GRM5: variants seen among roughly 807,000 people sequenced by gnomAD.
GRM5 encodes metabotropic glutamate receptor 5.
In GRM5, 19 loss-of-function variants were observed where a neutral mutation model predicts 83.1. The ratio of observed to expected loss-of-function variants is 0.23; its 90% CI spans 0.16 to 0.34. GRM5 has a LOEUF of 0.34. GRM5 is among the 10% of genes least tolerant of loss of function. The pLI is 1.00. For missense variants in GRM5, 1,160 were observed against 1,588.3 expected, an observed-to-expected ratio of 0.73 and a Z score of 4.58; for synonymous variants, 675 against 633.6, an observed-to-expected ratio of 1.07 and a Z score of -0.98.
chr11:88,626,702 T>A (rs1938806448), intron 4 of GRM5, among the ~76,000 whole-genome samples: 2 of 152,116 alleles, frequency 1.3e-5, no homozygotes, highest in South Asian at 4.1e-4. Flanking sequence ...GTGATGGTAT[T>A]TGGAGATGAA....
chr11:88,580,354 A>G (rs1357007983), intron 7 of GRM5, among the ~76,000 whole-genome samples: 1 of 152,212 alleles, frequency 6.6e-6, no homozygotes, highest in Non-Finnish European at 1.5e-5. Context: ...ATCACCAGTG[A>G]AGCAAGTGTA....
intron 2 of GRM5, among the ~76,000 whole-genome samples, chr11:88,874,777 A>G (rs1201117127): frequency 6.6e-6 from 1 of 152,018 alleles, no homozygotes; most frequent in East Asian, 1.9e-4. Context: ...TAAAGCAAAT[A>G]TCACAGTAAA....
At chr11:89,056,144 A>G (rs1374616292) in intron 1 of GRM5, among the ~76,000 whole-genome samples, 1 of 152,160 alleles carries the variant, frequency 6.6e-6, no homozygotes, top group Non-Finnish European at 1.5e-5. Context: ...CTTGCTTTTG[A>G]AAGTATCTTT....
rs901484338 is a variant in GRM5 at position 88,515,106 on chromosome 11, G to A, written c.2727-5602C>T. 5.3e-5 allele frequency among the ~76,000 whole-genome samples: 8 copies of A among 151,992 alleles called. No homozygotes were observed. The East Asian group carries it at 1.2e-3, about 22-fold the overall frequency. The stretch of plus-strand genomic sequence containing the variant: ...TTTCAGAAGCTACATGTTCATTCAC[G>A]GTGGGTTATTAAAGTGCTTAATGGT... On this transcript the variant is annotated intron_variant, in intron 9 of 9. Coordinates refer to ENST00000305447, the MANE Select transcript of GRM5 (RefSeq NM_001143831.3).
intron 2 of GRM5, among the ~76,000 whole-genome samples, chr11:88,906,439 C>T (rs780739797): frequency 6.6e-6 from 1 of 151,870 alleles, no homozygotes; most frequent in Non-Finnish European, 1.5e-5. Flanking sequence ...AATATTTGTA[C>T]CATTGTAGAA....
intron 3 of GRM5, among the ~76,000 whole-genome samples, chr11:88,699,156 T>C (rs1940969977): frequency 6.6e-6 from 1 of 152,168 alleles, no homozygotes; most frequent in African/African-American, 2.4e-5. Context: ...TTACGGCCTC[T>C]AAGAAATTTG....
At chr11:88,985,694 G>T (rs1380216702) in intron 2 of GRM5, among the ~76,000 whole-genome samples, 1 of 152,116 alleles carries the variant, frequency 6.6e-6, no homozygotes, top group Non-Finnish European at 1.5e-5. Flanking sequence ...CAGAAGATTT[G>T]CAATGTCAGT....
intron 2 of GRM5, among the ~76,000 whole-genome samples, chr11:88,960,613 A>G (rs1306128679): frequency 6.6e-6 from 1 of 152,226 alleles, no homozygotes; most frequent in Non-Finnish European, 1.5e-5. Flanking sequence ...GTGTGGAAGC[A>G]GGAAGATGAG....
intron 2 of GRM5, among the ~76,000 whole-genome samples, chr11:88,968,441 G>A (rs1939061783): frequency 6.6e-6 from 1 of 152,082 alleles, no homozygotes; most frequent in Admixed American, 6.6e-5. Flanking sequence ...CCGACTGTTT[G>A]GGAGGCCAAC....
At chr11:88,846,885 G>T (rs1944311053) in intron 3 of GRM5, among the ~76,000 whole-genome samples, 1 of 152,050 alleles carries the variant, frequency 6.6e-6, no homozygotes, top group South Asian at 2.1e-4. Context: ...TTAAAAATTT[G>T]AATTATCTAA....
At chr11:88,902,756 C>T (rs554730262) in intron 2 of GRM5, among the ~76,000 whole-genome samples, 1 of 151,828 alleles carries the variant, frequency 6.6e-6, no homozygotes. Flanking sequence ...GATTTCCAGG[C>T]CAGCCTGGCC....
At chr11:88,542,713 T>C (rs1331252063) in intron 8 of GRM5, among the ~76,000 whole-genome samples, 2 of 152,130 alleles carry the variant, frequency 1.3e-5, no homozygotes, top group Non-Finnish European at 2.9e-5. Context: ...TAGAATCCAA[T>C]GGGGATGATA....
At chr11:89,044,259 G>C (rs1378123924) in intron 2 of GRM5, among the ~76,000 whole-genome samples, 1 of 152,122 alleles carries the variant, frequency 6.6e-6, no homozygotes, top group Admixed American at 6.5e-5. Context: ...AGTTTGATCT[G>C]CTCTTTAAAA....
intron 2 of GRM5, among the ~76,000 whole-genome samples, chr11:88,924,799 C>T (rs563022550): frequency 6.6e-6 from 1 of 151,646 alleles, no homozygotes; most frequent in Non-Finnish European, 1.5e-5. Flanking sequence ...ATTAAATTTG[C>T]TAAGAAAGTA....
intron 4 of GRM5, among the ~76,000 whole-genome samples, chr11:88,643,030 T>A (rs1195480730): frequency 6.6e-6 from 1 of 152,078 alleles, no homozygotes; most frequent in Non-Finnish European, 1.5e-5. Flanking sequence ...TGATACCAAT[T>A]TCCTGTGTTA....
At chr11:88,893,341 T>G (rs1171609925) in intron 2 of GRM5, among the ~76,000 whole-genome samples, 1 of 151,954 alleles carries the variant, frequency 6.6e-6, no homozygotes, top group African/African-American at 2.4e-5. Flanking sequence ...AAAAGAGGGA[T>G]GTTTAGGAGA....
chr11:88,945,115 G>GACACACACACACAT (rs1938234534), intron 2 of GRM5, among the ~76,000 whole-genome samples: 1 of 137,590 alleles, frequency 7.3e-6, no homozygotes, highest in Non-Finnish European at 1.6e-5. Flanking sequence ...ATTTACAATA[G>GACACACACACACAT]ACACACACAC....
Position 88,777,129 on chromosome 11 carries a change from T to C in GRM5, c.911+72777A>G, listed in dbSNP as rs143212137. Among the ~76,000 whole-genome samples the C allele has an allele frequency of 1.8e-4, 27 of 152,342 alleles. 1 individual carries two copies. The East Asian group carries it at 5.2e-3, about 29-fold the overall frequency. ...ATAGTCCCATAGTTCTTGGAGGCTT[T>C]GTTCATTTCTTTTTACTCCTTCTCT... On this transcript the variant is annotated intron_variant, in intron 3 of 9. Transcript: ENST00000305447.
intron 2 of GRM5, among the ~76,000 whole-genome samples, chr11:88,997,601 A>G (rs1009267429): frequency 1.3e-5 from 2 of 152,100 alleles, no homozygotes; most frequent in African/African-American, 4.8e-5. Flanking sequence ...TACCACCATC[A>G]TGACTGAAAT....
Sources: gnomAD v4.1 joint callset for allele counts (sites outside exome capture counted in the v4.1 genomes callset) on GRCh38, gnomAD v4.1.1 for gene constraint, MANE v1.5 for transcripts, NCBI Gene and HGNC (gene_info 2026-07-23, HGNC 2026-07-21) for gene names.